MARCHF1: variants seen among roughly 807,000 people sequenced by gnomAD.
The protein encoded by MARCHF1 is membrane associated ring-CH-type finger 1.
A neutral mutation model predicts 54.2 loss-of-function variants in MARCHF1; 40 were observed. The observed-to-expected ratio is 0.74, with a 90% CI of 0.57 to 0.96. MARCHF1 has a LOEUF of 0.96. MARCHF1 is among the 40% of genes least tolerant of loss of function. MARCHF1 has a pLI of 0.00. For synonymous variants in MARCHF1, 236 were observed against 236.3 expected, an observed-to-expected ratio of 1.00 and a Z score of 0.01; for missense variants, 586 against 656.5, an observed-to-expected ratio of 0.89 and a Z score of 1.17.
intron 1 of MARCHF1, among the ~76,000 whole-genome samples, chr4:164,334,274 G>C (rs1342840550): frequency 1.3e-5 from 2 of 152,174 alleles, no homozygotes; most frequent in South Asian, 2.1e-4. Flanking sequence ...TAGATAGAGA[G>C]AGAAGTCAAT....
chr4:163,737,592 A>C lies in MARCHF1; in HGVS notation c.112-36729T>G, dbSNP rs1746083283. 1.6e-5 allele frequency among the ~76,000 whole-genome samples: 2 copies of C among 122,780 alleles called. 1 individual carries two copies. 80.5% of individuals were successfully genotyped at this position (122,780 alleles called of 152,430 possible). Reference sequence around the variant, plus strand: ...TAGTATTCCATGGTGTATATGTGCCACATTTTCTTAATCCAGTCTATCATT... The same window carrying C: ...TAGTATTCCATGGTGTATATGTGCCCCATTTTCTTAATCCAGTCTATCATT... On this transcript the variant is annotated intron_variant, in intron 4 of 9. Coordinates refer to ENST00000514618, the MANE Select transcript of MARCHF1 (RefSeq NM_001394959.1).
intron 1 of MARCHF1, among the ~76,000 whole-genome samples, chr4:164,193,348 A>G (rs988542766): frequency 2.0e-5 from 3 of 151,794 alleles, no homozygotes; most frequent in African/African-American, 4.8e-5. Flanking sequence ...AAGATACCCT[A>G]TATCTGTAAC....
chr4:164,299,749 T>A, intron 1 of MARCHF1, among the ~76,000 whole-genome samples: 1 of 152,188 alleles, frequency 6.6e-6, no homozygotes, highest in East Asian at 1.9e-4. Flanking sequence ...GGGCTCTGAC[T>A]CTGTGCAATG....
chr4:164,193,506 C>A (rs1412338064), intron 1 of MARCHF1, among the ~76,000 whole-genome samples: 1 of 152,018 alleles, frequency 6.6e-6, no homozygotes, highest in African/African-American at 2.4e-5. Context: ...GAAAGATCTT[C>A]TTTTGGAATA....
chr4:164,127,795 A>C (rs1756217420), intron 1 of MARCHF1, among the ~76,000 whole-genome samples: 1 of 152,170 alleles, frequency 6.6e-6, no homozygotes, highest in Non-Finnish European at 1.5e-5. Context: ...GTAAGACAGA[A>C]ATTTTAAATT....
intron 1 of MARCHF1, among the ~76,000 whole-genome samples, chr4:164,281,468 TGTTA>T (rs1047501190): frequency 6.6e-6 from 1 of 152,112 alleles, no homozygotes; most frequent in African/African-American, 2.4e-5. Flanking sequence ...GGGGGGCTGA[TGTTA>T]GTTAAAGTTG....
chr4:164,304,674 C>A (rs1734652750), intron 1 of MARCHF1, among the ~76,000 whole-genome samples: 1 of 152,156 alleles, frequency 6.6e-6, no homozygotes, highest in African/African-American at 2.4e-5. Flanking sequence ...CCCCAAATAA[C>A]ACTGAAAACA....
rs530119138 is a variant in MARCHF1, at chr4:164,144,096, G to T, written c.-322-32434C>A. On this transcript the variant is annotated intron_variant, in intron 1 of 9. Coordinates refer to ENST00000514618, the MANE Select transcript of MARCHF1 (RefSeq NM_001394959.1). Reference sequence around the variant, plus strand: ...AGGAGGCCATTACATAATGGTAAAGGGATCAATTCAACAAGAAGAGCTAAC... The same window carrying T: ...AGGAGGCCATTACATAATGGTAAAGTGATCAATTCAACAAGAAGAGCTAAC... 5.8e-3 allele frequency among the ~76,000 whole-genome samples: 878 copies of T among 152,090 alleles called. 9 individuals are homozygous for T. The highest frequency in any genetic ancestry group is 0.02 in the African/African-American group (837 of 41,448).
chr4:163,869,638 C>A (rs1750128139), intron 3 of MARCHF1, among the ~76,000 whole-genome samples: 2 of 152,040 alleles, frequency 1.3e-5, no homozygotes, highest in African/African-American at 2.4e-5. Context: ...TACAAGAGAA[C>A]CTTTCCAAGC....
chr4:163,728,223 T>G (rs539017374), intron 4 of MARCHF1, among the ~76,000 whole-genome samples: 1 of 152,302 alleles, frequency 6.6e-6, no homozygotes, highest in East Asian at 1.9e-4. Flanking sequence ...CCCCCTTTTT[T>G]TATTACTGTC....
intron 4 of MARCHF1, among the ~76,000 whole-genome samples, chr4:163,807,647 A>G (rs376093208): frequency 6.6e-6 from 1 of 152,152 alleles, no homozygotes; most frequent in East Asian, 1.9e-4. Context: ...TTTATAATGA[A>G]CTTATAAATA....
At chr4:164,055,610 C>A (rs375478900) in intron 2 of MARCHF1, among the ~76,000 whole-genome samples, 4 of 152,050 alleles carry the variant, frequency 2.6e-5, no homozygotes, top group East Asian at 1.9e-4. Context: ...ATATTTATAT[C>A]AAACTTTCAA....
At chr4:164,094,258 T>A (rs1755363190) in intron 2 of MARCHF1, among the ~76,000 whole-genome samples, 2 of 152,144 alleles carry the variant, frequency 1.3e-5, no homozygotes, top group Non-Finnish European at 2.9e-5. Flanking sequence ...GTATGCATAC[T>A]GATTTTGAAG....
chr4:164,107,022 C>G (rs1368082984), intron 2 of MARCHF1, among the ~76,000 whole-genome samples: 2 of 152,136 alleles, frequency 1.3e-5, no homozygotes, highest in African/African-American at 4.8e-5. Context: ...TTAAATGCAT[C>G]AGCATCTTCA....
chr4:164,345,573 CATAATAATAATAATAATA>C (rs5863679), intron 1 of MARCHF1, among the ~76,000 whole-genome samples: 32 of 143,390 alleles, frequency 2.2e-4, no homozygotes, highest in South Asian at 4.5e-4. Flanking sequence ...CTGTCTCAAA[CATAATAATAATAATAATA>C]ATAATAATAA....
chr4:163,573,242 T>C (rs1315445107), intron 8 of MARCHF1, among the ~76,000 whole-genome samples: 1 of 151,824 alleles, frequency 6.6e-6, no homozygotes, highest in Non-Finnish European at 1.5e-5. Context: ...AATTATTTTG[T>C]CAGCAAAGAG....
intron 3 of MARCHF1, among the ~76,000 whole-genome samples, chr4:163,958,833 T>C (rs1752283265): frequency 6.6e-6 from 1 of 151,936 alleles, no homozygotes; most frequent in African/African-American, 2.4e-5. Context: ...GAAGAATTTA[T>C]TTTGACCAAT....
chr4:163,926,683 G>GT (rs1382348965), intron 3 of MARCHF1, among the ~76,000 whole-genome samples: 2 of 151,546 alleles, frequency 1.3e-5, no homozygotes, highest in Non-Finnish European at 3.0e-5. Context: ...TTTGGTATAT[G>GT]TATTACTAGT....
chr4:163,607,113 G>A (rs894059794), intron 7 of MARCHF1, among the ~76,000 whole-genome samples: 5 of 152,036 alleles, frequency 3.3e-5, no homozygotes, highest in African/African-American at 1.2e-4. Context: ...GAACCACATT[G>A]TTTCTGGAGT....
Sources: allele counts gnomAD v4.1 joint callset (sites outside exome capture counted in the v4.1 genomes callset), GRCh38; gene constraint gnomAD v4.1.1; transcripts MANE v1.5; gene names NCBI Gene and HGNC (gene_info 2026-07-23, HGNC 2026-07-21).